Variants in UMODL1 observed in about 807,000 individuals in gnomAD.
UMODL1 encodes uromodulin like 1.
Under a neutral mutation model 136.3 loss-of-function variants are expected in UMODL1, and 128 were observed. The observed-to-expected ratio is 0.94, with a 90% CI of 0.81 to 1.09. The LOEUF (loss-of-function observed/expected upper bound fraction) is 1.09. Among genes scored for constraint, UMODL1 ranks in the 50% least tolerant of loss-of-function variants. The pLI is 0.00. For synonymous variants in UMODL1, 721 were observed against 720.0 expected, an observed-to-expected ratio of 1.00 and a Z score of -0.02; for missense variants, 1,766 against 1,725.6, an observed-to-expected ratio of 1.02 and a Z score of -0.41.
intron 22 of UMODL1, among the ~76,000 whole-genome samples, chr21:42,141,840 C>T (rs535003596): frequency 3.9e-5 from 6 of 152,314 alleles, no homozygotes; most frequent in African/African-American, 1.2e-4. Context: ...GTATCTTCAC[C>T]AGCCACCCCC....
At position 42,126,855 on chromosome 21, in the gene UMODL1, C is replaced by T. The variant is rs964205428; in HGVS notation, c.3294-151C>T. On this transcript the variant is annotated intron_variant, in intron 18 of 22. Coordinates refer to ENST00000408910, the MANE Select transcript of UMODL1 (RefSeq NM_001004416.3). ...GGACCAGCCAGCCCTGAATAAATGG[C>T]CTCCAAGTGCTCTCGTTTGGGGTTG... The T allele has an allele frequency of 1.2e-5, 9 of 754,006 alleles. No homozygotes were observed. In the African/African-American group the frequency reaches 1.4e-4, roughly 12 times the overall value. 46.7% of individuals were successfully genotyped at this position (754,006 alleles called of 1,614,324 possible). A position where few individuals can be genotyped will look rare whatever the true frequency, so the allele number is the denominator to read the frequency against.
intron 21 of UMODL1, among the ~76,000 whole-genome samples, chr21:42,131,447 G>A: frequency 2.9e-5 from 1 of 34,646 alleles, no homozygotes; most frequent in East Asian, 5.2e-4. Flanking sequence ...GGAGGAGGGA[G>A]GTCTCAGCCA....
At chr21:42,133,128 A>G (rs1026470066) in intron 21 of UMODL1, among the ~76,000 whole-genome samples, 1 of 152,244 alleles carries the variant, frequency 6.6e-6, no homozygotes, top group Non-Finnish European at 1.5e-5. Context: ...AAAATCATTT[A>G]GACACATGGA....
chr21:42,116,172 CAAA>C (rs56162491), intron 14 of UMODL1, among the ~76,000 whole-genome samples, 187 bp downstream of exon 14: 8 of 75,048 alleles, frequency 1.1e-4, no homozygotes, highest in South Asian at 1.0e-3. Context: ...CCATCTCCAC[CAAA>C]AAAAAAAAAA....
intron 10 of UMODL1, among the ~76,000 whole-genome samples, chr21:42,110,078 GGTGTGGCCTGGAGCCCGAGACA>G (rs1011006368): frequency 1.5e-4 from 20 of 130,926 alleles, no homozygotes; most frequent in Admixed American, 3.7e-4. Flanking sequence ...AGCCCGAGAG[GGTGTGGCCTGGAGCCCGAGACA>G]GTGTGGAAGC....
At chr21:42,126,293 G>C in intron 17 of UMODL1, 52 bp from the exon 18 acceptor site, 1 of 1,608,842 alleles carries the variant, frequency 6.2e-7, no homozygotes, top group Non-Finnish European at 8.5e-7. Context: ...ACAGCAGGGC[G>C]TGGGGGGCCG....
At chr21:42,104,175 T>C (rs1229796582) in intron 9 of UMODL1, 88 bp downstream of exon 9, 22 of 1,335,180 alleles carry the variant, frequency 1.6e-5, no homozygotes, top group Non-Finnish European at 2.2e-5. Context: ...CTTTCCTTTA[T>C]TTCAAAGGGT....
At chr21:42,104,149 C>T in intron 9 of UMODL1, 62 bp downstream of exon 9, 1 of 1,496,768 alleles carries the variant, frequency 6.7e-7, no homozygotes, top group Non-Finnish European at 9.1e-7. Context: ...CTCTTGGTGA[C>T]TTTATTTGAG....
At chr21:42,087,231 G>A (rs1308789464) in intron 4 of UMODL1, among the ~76,000 whole-genome samples, 1 of 152,198 alleles carries the variant, frequency 6.6e-6, no homozygotes, top group Non-Finnish European at 1.5e-5. Flanking sequence ...ACCAGCAGGG[G>A]CTGGTCTCTG....
rs1569162341 is a variant in UMODL1, at chr21:42,111,056, A to G, written c.1834A>G (p.Arg612Gly). 1 of 1,613,480 alleles carries G rather than the reference A, an allele frequency of 6.2e-7. No individual in the cohort carries two copies. ...GQAWTPEPSP[R>G]RGGSNVVGYD... Reference sequence around the variant, plus strand: ...GGCCTGGACCCCAGAGCCCTCACCCAGAAGAGGGGGCAGCAATGTGGTCGG... The same window carrying G: ...GGCCTGGACCCCAGAGCCCTCACCCGGAAGAGGGGGCAGCAATGTGGTCGG... The change falls in exon 11 of 23, where the codon AGA (arginine) becomes GGA (glycine). Residue 612 changes from arginine to glycine, a missense_variant. Physicochemically the swap from Arg to Gly is moderately radical, Grantham distance 125. Transcript: ENST00000408910.
intron 17 of UMODL1, among the ~76,000 whole-genome samples, chr21:42,125,124 C>G (rs1490812625): frequency 6.6e-6 from 1 of 152,194 alleles, no homozygotes; most frequent in Non-Finnish European, 1.5e-5. Flanking sequence ...AGATGAAACC[C>G]AGAGTCCTGG....
At chr21:42,108,482 C>T (rs1167704374) in intron 9 of UMODL1, 2 of 447,734 alleles carry the variant, frequency 4.5e-6, no homozygotes, top group Non-Finnish European at 9.3e-6. Flanking sequence ...AGAAAAAAAC[C>T]CACAAAACGA....
At chr21:42,128,450 G>A (rs546036924) in intron 20 of UMODL1, among the ~76,000 whole-genome samples, 1 of 152,344 alleles carries the variant, frequency 6.6e-6, no homozygotes, top group African/African-American at 2.4e-5. Flanking sequence ...TTTGCTCAGT[G>A]ACCGAATGCT....
At chr21:42,082,057 C>T (rs369565802) in intron 2 of UMODL1, among the ~76,000 whole-genome samples, 5 of 152,258 alleles carry the variant, frequency 3.3e-5, no homozygotes, top group South Asian at 2.1e-4. Context: ...TCAGGGACAA[C>T]GCAGGAAAGA....
At chr21:42,088,192 C>CGT (rs2066447584) in intron 4 of UMODL1, 102 bp from the exon 5 acceptor site, 3 of 1,236,162 alleles carry the variant, frequency 2.4e-6, no homozygotes, top group South Asian at 2.8e-5. Context: ...CAGAATGGTA[C>CGT]GTGTGTGTGG....
chr21:42,117,899 C>T (rs993423164), intron 14 of UMODL1, among the ~76,000 whole-genome samples: 1 of 152,232 alleles, frequency 6.6e-6, no homozygotes, highest in Admixed American at 6.5e-5. Flanking sequence ...AATCTTTCCT[C>T]TTTGAACCAT....
chr21:42,094,469 G>C (rs1210385959), intron 6 of UMODL1, among the ~76,000 whole-genome samples: 1 of 152,214 alleles, frequency 6.6e-6, no homozygotes, highest in Non-Finnish European at 1.5e-5. Flanking sequence ...TGTGGAGCAA[G>C]GGCTCTGGGG....
intron 2 of UMODL1, among the ~76,000 whole-genome samples, chr21:42,083,777 G>T (rs2066390379): frequency 1.3e-5 from 2 of 152,280 alleles, no homozygotes; most frequent in Non-Finnish European, 2.9e-5. Context: ...ACTTGAAGCA[G>T]CAAGGGGCCC....
chr21:42,132,851 A>G (rs2067152157), intron 21 of UMODL1, among the ~76,000 whole-genome samples: 1 of 152,146 alleles, frequency 6.6e-6, no homozygotes, highest in South Asian at 2.1e-4. Flanking sequence ...ATTGTGCCTT[A>G]TTTTCCTCAT....
Sources: allele counts gnomAD v4.1 joint callset (sites outside exome capture counted in the v4.1 genomes callset), GRCh38; gene constraint gnomAD v4.1.1; transcripts MANE v1.5; gene names NCBI Gene and HGNC (gene_info 2026-07-23, HGNC 2026-07-21).